Variants in ATP11A observed in about 807,000 individuals in gnomAD.
ATP11A encodes ATPase phospholipid transporting 11A.
In ATP11A, 81 loss-of-function variants were observed where a neutral mutation model predicts 154.4. That is an observed-to-expected ratio of 0.52 (90% confidence interval 0.44 to 0.63). The LOEUF (loss-of-function observed/expected upper bound fraction) is 0.63. Ranked by LOEUF, ATP11A falls within the 30% of genes least tolerant of loss-of-function variation. ATP11A has a pLI of 0.00. For synonymous variants in ATP11A, 623 were observed against 585.9 expected (o/e 1.06, Z -0.91); for missense variants, 1,316 against 1,474.3 (o/e 0.89, Z 1.76).
Position 112,871,811 on chromosome 13 carries a change from T to C in ATP11A, c.3057+11T>C. 6.2e-7 allele frequency: 1 copy of C among 1,613,506 alleles called. No homozygotes were observed. The highest frequency in any genetic ancestry group is 1.1e-5 in the South Asian group (1 of 91,080). Reference sequence around the variant, plus strand: ...ACAGTTACACTAAAGGTAAGTGGTCTCGCGCTCACGTTCCTCCCCCAGCCA... The same window carrying C: ...ACAGTTACACTAAAGGTAAGTGGTCCCGCGCTCACGTTCCTCCCCCAGCCA... On this transcript the variant is annotated intron_variant, in intron 26 of 29. Transcript: ENST00000375645.
chr13:112,792,965 C>T (rs1201835698), intron 2 of ATP11A, among the ~76,000 whole-genome samples: 1 of 152,214 alleles, frequency 6.6e-6, no homozygotes, highest in Non-Finnish European at 1.5e-5. Flanking sequence ...AAAATTCCCT[C>T]TGCAATTCGT....
At chr13:112,881,663 G>A (rs183874487) in intron 29 of ATP11A, 204 of 1,212,340 alleles carry the variant, frequency 1.7e-4, no homozygotes, top group Middle Eastern at 3.3e-4. Flanking sequence ...GATCCCGCCC[G>A]GCCTGCCCTC....
At position 112,838,344 on chromosome 13, in the gene ATP11A, G is replaced by A. The variant is rs1234508012; in HGVS notation, c.1705+2093G>A. Among the ~76,000 whole-genome samples, 1 of 152,160 alleles carries A rather than the reference G, an allele frequency of 6.6e-6. No homozygotes were observed. The highest frequency in any genetic ancestry group is 2.4e-5 in the African/African-American group (1 of 41,454). On this transcript the variant is annotated intron_variant, in intron 16 of 29. Coordinates refer to ENST00000375645, the MANE Select transcript of ATP11A (RefSeq NM_015205.3). This position sits in a 1 kb window ranked among gnomAD's most constrained non-coding sequence, Gnocchi z 7.3. ...AGTCGAATCTAGCTGTTGAGCCATG[G>A]CTGGAACATGCTGCCCGTGACCTGC...
At chr13:112,876,790 C>T (rs1047326591) in intron 28 of ATP11A, among the ~76,000 whole-genome samples, 9 of 152,144 alleles carry the variant, frequency 5.9e-5, no homozygotes, top group Middle Eastern at 3.2e-3. Flanking sequence ...GAGTGGGGGC[C>T]GGGGCCCCAG....
chr13:112,815,883 G>A (rs913217544), intron 5 of ATP11A, among the ~76,000 whole-genome samples, 200 bp from the exon 6 acceptor site: 2 of 152,200 alleles, frequency 1.3e-5, no homozygotes, highest in African/African-American at 4.8e-5. Flanking sequence ...TTTTGCTGCG[G>A]AAGTTAGAAC....
At chr13:112,705,430 C>T (rs921965414) in intron 1 of ATP11A, among the ~76,000 whole-genome samples, 5 of 152,184 alleles carry the variant, frequency 3.3e-5, no homozygotes, top group Non-Finnish European at 7.3e-5. Context: ...CTGCTGTATG[C>T]GCTGAAGATT....
At chr13:112,779,790 A>G (rs2077453988) in intron 1 of ATP11A, among the ~76,000 whole-genome samples, 1 of 152,136 alleles carries the variant, frequency 6.6e-6, no homozygotes, top group Non-Finnish European at 1.5e-5. Flanking sequence ...CTGTAATCCC[A>G]CCTACTAGGG....
intron 1 of ATP11A, among the ~76,000 whole-genome samples, chr13:112,721,850 G>C (rs979768176): frequency 6.6e-6 from 1 of 152,216 alleles, no homozygotes; most frequent in Non-Finnish European, 1.5e-5. Context: ...GACCACATAG[G>C]AGCCAGGATG....
At position 112,810,708 on chromosome 13, in the gene ATP11A, A is replaced by G. The variant is rs1566515706; in HGVS notation, c.423A>G (p.Lys141=). ...TTCAGCACGGCAAGCTCGTTCGGAA[A>G]CAAAGTCGAAAGCTGCGAGTAAGTG... ...HFIQHGKLVR[K]QSRKLRVGDI... The change falls in exon 5 of 30, where the codon AAA becomes AAG. Residue 141 remains lysine, a synonymous_variant. Coordinates refer to ENST00000375645, the MANE Select transcript of ATP11A (RefSeq NM_015205.3). 6.2e-7 allele frequency: 1 copy of G among 1,614,178 alleles called. No homozygotes were observed. Among genetic ancestry groups the G allele is most frequent in the Non-Finnish European group, 8.5e-7 (1 of 1,179,992 alleles).
intron 1 of ATP11A, among the ~76,000 whole-genome samples, chr13:112,783,774 G>C (rs150610647): frequency 1.3e-5 from 2 of 152,240 alleles, no homozygotes; most frequent in African/African-American, 4.8e-5. Flanking sequence ...TGGATTTCCC[G>C]TTACGAGCTA....
chr13:112,702,416 G>A (rs562875026), intron 1 of ATP11A, among the ~76,000 whole-genome samples: 4 of 148,124 alleles, frequency 2.7e-5, no homozygotes, highest in South Asian at 4.5e-4. Flanking sequence ...CCCCCGCCCC[G>A]CCCCCCGCGT....
intron 19 of ATP11A, 48 bp downstream of exon 19, chr13:112,854,578 C>A: frequency 6.4e-7 from 1 of 1,571,238 alleles, no homozygotes; most frequent in South Asian, 1.1e-5. Flanking sequence ...GCAAAAGGGG[C>A]TTCAGACCCA....
At chr13:112,862,306 C>T in intron 24 of ATP11A, 134 bp from the exon 25 acceptor site, 2 of 1,096,162 alleles carry the variant, frequency 1.8e-6, no homozygotes, top group East Asian at 2.5e-5. Context: ...GGCCAGAGCA[C>T]AAACTTGATG....
chr13:112,695,971 T>C (rs1213740138), intron 1 of ATP11A, among the ~76,000 whole-genome samples: 1 of 152,234 alleles, frequency 6.6e-6, no homozygotes, highest in African/African-American at 2.4e-5. Context: ...TTGGATATTA[T>C]TATCTGAGAA....
At chr13:112,741,986 ACCACAGAAGAGTGGTCCCCCTCC>A (rs1226118991) in intron 1 of ATP11A, among the ~76,000 whole-genome samples, 1 of 148,916 alleles carries the variant, frequency 6.7e-6, no homozygotes, top group Non-Finnish European at 1.5e-5. Context: ...TGGTTCCCCC[ACCACAGAAGAGTGGTCCCCCTCC>A]CCACAGAAGA....
chr13:112,804,964 T>C lies in ATP11A; in HGVS notation c.170T>C (p.Phe57Ser). Residue 57 changes from phenylalanine (F) to serine (S), a missense_variant, in exon 3 of 30, where the codon TTT becomes TCT. By Grantham distance (155) the Phe-to-Ser change is radical. Transcript: ENST00000375645. ...DNRIVSSKYTFWNFIPKNLFE... is the reference protein window; with the variant it reads ...DNRIVSSKYTSWNFIPKNLFE... ...TGTTTTTCTTTTATGCAGTACACATTTTGGAACTTTATACCCAAGAATTTA... is the reference window on the plus strand; with the variant it reads ...TGTTTTTCTTTTATGCAGTACACATCTTGGAACTTTATACCCAAGAATTTA... 1 of 1,603,114 alleles carries C rather than the reference T, an allele frequency of 6.2e-7. No homozygotes were observed. Among genetic ancestry groups the C allele is most frequent in the South Asian group, 1.1e-5 (1 of 89,492 alleles).
intron 29 of ATP11A, 79 bp from the exon 30 acceptor site, chr13:112,881,797 T>C: frequency 7.3e-7 from 1 of 1,365,412 alleles, no homozygotes; most frequent in South Asian, 1.1e-5. Flanking sequence ...ACTGACCATG[T>C]GTCTCGTTCT....
intron 25 of ATP11A, among the ~76,000 whole-genome samples, chr13:112,864,764 T>A (rs2080261921): frequency 1.4e-5 from 1 of 69,342 alleles, no homozygotes; most frequent in Non-Finnish European, 2.4e-5. Flanking sequence ...ACCTGCACAG[T>A]AATTCAGTGC....
In ATP11A at chr13:112,856,022, G is replaced by A. The variant is rs752820586; in HGVS notation, c.2355G>A (p.Leu785=). 1 of 1,614,188 alleles carries A rather than the reference G, an allele frequency of 6.2e-7. No homozygotes were observed. The highest frequency in any genetic ancestry group is 1.1e-5 in the South Asian group (1 of 91,084). Residue 785 remains leucine (L), a synonymous_variant, in exon 20 of 30, where the codon CTG becomes CTA. Transcript: ENST00000375645. ...CCGGCAACTACAGGGAGCTCTTCCT[G>A]GAAATCTGCCGGAGCTGCAGCGCGG... ...GSSGNYRELF[L]EICRSCSAVL...
Sources: gnomAD v4.1 joint callset for allele counts (sites outside exome capture counted in the v4.1 genomes callset) on GRCh38, gnomAD v4.1.1 for gene constraint, Gnocchi (gnomAD v3.1) non-coding constraint, MANE v1.5 for transcripts, NCBI Gene and HGNC (gene_info 2026-07-23, HGNC 2026-07-21) for gene names.